Variants in VAT1L observed in about 807,000 individuals in gnomAD.
VAT1L encodes putative NADPH-dependent quinone oxidoreductase VAT1L.
In VAT1L, 34 loss-of-function variants were observed where a neutral mutation model predicts 44.1. That is an observed-to-expected ratio of 0.77 (90% CI 0.59 to 1.03). The LOEUF (loss-of-function observed/expected upper bound fraction) is 1.03. Ranked by LOEUF, VAT1L falls within the 50% of genes least tolerant of loss-of-function variation. The pLI is 0.00. For synonymous variants in VAT1L, 253 were observed against 202.2 expected (o/e 1.25, Z -2.13); for missense variants, 615 against 538.8 (o/e 1.14, Z -1.40).
intron 7 of VAT1L, among the ~76,000 whole-genome samples, chr16:77,908,855 A>G (rs1225074705): frequency 6.6e-6 from 1 of 152,176 alleles, no homozygotes; most frequent in Non-Finnish European, 1.5e-5. Flanking sequence ...CGGAGCTTGC[A>G]GTGAACCGAG....
chr16:77,808,445 G>C (rs2016202762), intron 1 of VAT1L, among the ~76,000 whole-genome samples: 1 of 152,094 alleles, frequency 6.6e-6, no homozygotes, highest in Non-Finnish European at 1.5e-5. Flanking sequence ...TAAATGTCAT[G>C]TGCTTGAATC....
chr16:77,796,694 T>G (rs2015939775), intron 1 of VAT1L, among the ~76,000 whole-genome samples: 1 of 152,242 alleles, frequency 6.6e-6, no homozygotes, highest in Non-Finnish European at 1.5e-5. Flanking sequence ...TGACTTGGGC[T>G]TTTACATACA....
rs2018372756 is a variant in VAT1L at position 77,979,159 on chromosome 16, A to G, written c.*1464A>G. ...GATTTCCAAAGTCCTTTTGTAGCAA[A>G]TGTCACCTCATTCGTGGTCTTTTTA... On this transcript the variant is annotated 3_prime_UTR_variant, in exon 9 of 9. Transcript: ENST00000302536. 6.6e-6 allele frequency: 1 copy of G among 152,634 alleles called. No individual in the cohort carries two copies. Among genetic ancestry groups the G allele is most frequent in the Non-Finnish European group, 1.5e-5 (1 of 68,040 alleles). The allele number at this position is 152,634 out of a possible 1,614,324, so 9.5% of individuals were successfully genotyped here.
At chr16:77,868,916 C>A (rs150495949) in intron 4 of VAT1L, among the ~76,000 whole-genome samples, 31 of 152,116 alleles carry the variant, frequency 2.0e-4, no homozygotes, top group Non-Finnish European at 1.5e-5. Flanking sequence ...AAATATGAAA[C>A]GACTGCAGAC....
chr16:77,970,364 T>A (rs1338042238), intron 7 of VAT1L, among the ~76,000 whole-genome samples: 1 of 152,262 alleles, frequency 6.6e-6, no homozygotes, highest in African/African-American at 2.4e-5. Flanking sequence ...CATCCATTTC[T>A]TCTACATGAT....
chr16:77,855,359 G>T (rs992434687), intron 3 of VAT1L, among the ~76,000 whole-genome samples: 1 of 142,326 alleles, frequency 7.0e-6, no homozygotes, highest in African/African-American at 2.7e-5. Flanking sequence ...AAAAAAAAAA[G>T]TGAAATCAAG....
At chr16:77,841,659 A>G (rs1004335899) in intron 3 of VAT1L, among the ~76,000 whole-genome samples, 5 of 152,144 alleles carry the variant, frequency 3.3e-5, no homozygotes, top group African/African-American at 1.2e-4. Flanking sequence ...AGTGGGCTTC[A>G]TTGTTCTGAC....
chr16:77,849,577 T>A (rs2016788706), intron 3 of VAT1L, among the ~76,000 whole-genome samples: 1 of 152,158 alleles, frequency 6.6e-6, no homozygotes, highest in African/African-American at 2.4e-5. Flanking sequence ...CAGTTAACTT[T>A]GAAAGTTTGT....
chr16:77,933,068 C>T (rs1415491694), intron 7 of VAT1L, among the ~76,000 whole-genome samples: 3 of 152,136 alleles, frequency 2.0e-5, no homozygotes, highest in African/African-American at 7.2e-5. Flanking sequence ...AAAAAGAGAA[C>T]CAGATATGGA....
rs181186632 is a variant in VAT1L at position 77,799,062 on chromosome 16, C to T, written c.233+10147C>T. ...TGGAAAAGGTGGTGGTCATTAGCTG[C>T]AGCTGCCGTGTGAAAATTTAGCGAG... On this transcript the variant is annotated intron_variant, in intron 1 of 8. Transcript: ENST00000302536. Among the ~76,000 whole-genome samples, 14 of 147,448 alleles carry T rather than the reference C, an allele frequency of 9.5e-5. 1 individual carries two copies. In the East Asian group the frequency reaches 2.6e-3, roughly 27 times the overall value.
At chr16:77,831,833 G>A (rs1170562638) in intron 3 of VAT1L, among the ~76,000 whole-genome samples, 2 of 150,040 alleles carry the variant, frequency 1.3e-5, no homozygotes, top group Non-Finnish European at 3.0e-5. Context: ...CTTTTTTTTT[G>A]GAGATGGAGT....
intron 7 of VAT1L, among the ~76,000 whole-genome samples, chr16:77,905,805 G>C (rs542795565): frequency 3.2e-4 from 48 of 152,284 alleles, no homozygotes; most frequent in Admixed American, 2.2e-3. Flanking sequence ...GCAGTGTTGA[G>C]AAACATGGTT....
chr16:77,923,058 T>C (rs1270793419), intron 7 of VAT1L, among the ~76,000 whole-genome samples: 1 of 152,068 alleles, frequency 6.6e-6, no homozygotes, highest in Non-Finnish European at 1.5e-5. Flanking sequence ...CTTTGGAGAG[T>C]TCTCCCAGCT....
chr16:77,896,280 G>A (rs1319053033), intron 7 of VAT1L, among the ~76,000 whole-genome samples: 1 of 152,034 alleles, frequency 6.6e-6, no homozygotes, highest in East Asian at 1.9e-4. Flanking sequence ...CTCAGCCCTG[G>A]TGTCGACTCT....
chr16:77,852,383 G>A (rs1048616659), intron 3 of VAT1L, among the ~76,000 whole-genome samples: 13 of 152,216 alleles, frequency 8.5e-5, no homozygotes, highest in African/African-American at 3.1e-4. Flanking sequence ...CCCAGCTGAG[G>A]GGGATCTGAT....
chr16:77,848,995 A>G (rs2016783020), intron 3 of VAT1L, among the ~76,000 whole-genome samples: 1 of 152,202 alleles, frequency 6.6e-6, no homozygotes, highest in Non-Finnish European at 1.5e-5. Context: ...AACAATGAGA[A>G]CACATGGATA....
chr16:77,804,901 A>G (rs78872225), intron 1 of VAT1L, among the ~76,000 whole-genome samples: 2,632 of 152,312 alleles, frequency 0.017, 40 homozygotes, highest in Non-Finnish European at 0.029. Flanking sequence ...CAGTGACAGC[A>G]CTACTAATGT....
chr16:77,975,365 C>T (rs938359840), intron 8 of VAT1L, among the ~76,000 whole-genome samples: 8 of 151,862 alleles, frequency 5.3e-5, no homozygotes, highest in Admixed American at 6.6e-5. Context: ...GCTCACCACA[C>T]CACACCTGGC....
chr16:77,962,285 T>C (rs944212697), intron 7 of VAT1L, among the ~76,000 whole-genome samples: 1 of 152,056 alleles, frequency 6.6e-6, no homozygotes, highest in Non-Finnish European at 1.5e-5. Context: ...CTTGGGGCCA[T>C]TTGGGAATAG....
Sources: allele counts gnomAD v4.1 joint callset (sites outside exome capture counted in the v4.1 genomes callset), GRCh38; gene constraint gnomAD v4.1.1; transcripts MANE v1.5; gene names NCBI Gene and HGNC (gene_info 2026-07-23, HGNC 2026-07-21).